IGF2BP3: variants seen among roughly 807,000 people sequenced by gnomAD.
IGF2BP3 encodes insulin-like growth factor 2 mRNA-binding protein 3.
Under a neutral mutation model 73.8 loss-of-function variants are expected in IGF2BP3, and 9 were observed. The observed-to-expected ratio is 0.12, with a 90% CI of 0.07 to 0.21. The LOEUF is 0.21. IGF2BP3 is among the 10% of genes least tolerant of loss of function. IGF2BP3 has a pLI of 1.00. For missense variants in IGF2BP3, 542 were observed against 714.0 expected, an observed-to-expected ratio of 0.76 and a Z score of 2.75; for synonymous variants, 258 against 256.7, an observed-to-expected ratio of 1.01 and a Z score of -0.05.
chr7:23,390,443 C>A (rs1254174997), intron 3 of IGF2BP3, among the ~76,000 whole-genome samples: 1 of 151,766 alleles, frequency 6.6e-6, no homozygotes, highest in Admixed American at 6.6e-5. Context: ...CTTGACTGAC[C>A]AAGACAAGAA....
intron 5 of IGF2BP3, 28 bp from the exon 6 acceptor site, chr7:23,351,614 G>A: frequency 1.2e-6 from 2 of 1,611,852 alleles, no homozygotes; most frequent in Middle Eastern, 3.3e-4. Context: ...GCAGGGGTGG[G>A]AAAAGGAATC....
In IGF2BP3 at chr7:23,418,792, G is replaced by A. The variant is rs1028445948; in HGVS notation, c.269C>T (p.Pro90Leu). The change falls in exon 3 of 15, where the codon CCT becomes CTT. Residue 90 changes from proline (P) to leucine (L), a missense_variant. By Grantham distance (98) the Pro-to-Leu change is moderately conservative. This residue lies in a region of IGF2BP3 where 239 missense variants were observed against 241.9 expected (regional missense o/e 0.99). Coordinates refer to ENST00000258729, the MANE Select transcript of IGF2BP3 (RefSeq NM_006547.3). ...AATTCTTACCTCCCACTGTAAATGAGGCGGGATATTTCGTATCTGAAGTTT... is the reference window on the plus strand; with the variant it reads ...AATTCTTACCTCCCACTGTAAATGAAGCGGGATATTTCGTATCTGAAGTTT... The part of the protein sequence containing the change: ...IRKLQIRNIP[P>L]HLQWEVLDSL... 1 of 1,583,278 alleles carries A rather than the reference G, an allele frequency of 6.3e-7. No individual in the cohort carries two copies. Among genetic ancestry groups the A allele is most frequent in the Non-Finnish European group, 8.6e-7 (1 of 1,159,402 alleles).
Position 23,319,207 on chromosome 7 carries a change from G to T in IGF2BP3, c.1251C>A (p.Val417=), listed in dbSNP as rs370876150. The change falls in exon 11 of 15, where the codon GTC becomes GTA. Residue 417 remains valine, a synonymous_variant. Coordinates refer to ENST00000258729, the MANE Select transcript of IGF2BP3 (RefSeq NM_006547.3). ...GGCCCTGCTTGCCGATGATGGCACC[G>T]ACTGATAGAGCTGGGATAAACAGAT... is the stretch of plus-strand genomic sequence containing the variant. ...TVHLFIPALS[V]GAIIGKQGQH... The T allele has an allele frequency of 3.1e-6, 5 of 1,613,612 alleles. No homozygotes were observed. In the East Asian group the frequency reaches 6.7e-5, roughly 22 times the overall value.
chr7:23,407,014 A>G (rs1425569069), intron 3 of IGF2BP3, among the ~76,000 whole-genome samples: 1 of 152,124 alleles, frequency 6.6e-6, no homozygotes, highest in African/African-American at 2.4e-5. Context: ...AGAAATCAAT[A>G]AAACAGATAA....
At chr7:23,349,617 C>T (rs1784910676) in intron 6 of IGF2BP3, among the ~76,000 whole-genome samples, 1 of 152,076 alleles carries the variant, frequency 6.6e-6, no homozygotes, top group Non-Finnish European at 1.5e-5. Context: ...TTAGAATGGC[C>T]CTCTGAGACC....
At chr7:23,392,845 G>A (rs550238832) in intron 3 of IGF2BP3, among the ~76,000 whole-genome samples, 3 of 152,200 alleles carry the variant, frequency 2.0e-5, no homozygotes, top group African/African-American at 7.2e-5. Context: ...TGCCCAGGCT[G>A]ATCTTGAACT....
intron 2 of IGF2BP3, among the ~76,000 whole-genome samples, chr7:23,447,453 G>A (rs539183112): frequency 2.3e-4 from 35 of 151,412 alleles, no homozygotes; most frequent in Non-Finnish European, 3.4e-4. Flanking sequence ...GTAAAATCCC[G>A]TCTCTACTAA....
chr7:23,443,600 G>A (rs1584050665), intron 2 of IGF2BP3, among the ~76,000 whole-genome samples: 1 of 152,058 alleles, frequency 6.6e-6, no homozygotes, highest in East Asian at 1.9e-4. Context: ...GAACCTGGAA[G>A]GCAGAGGTTG....
chr7:23,463,663 G>A lies in IGF2BP3; in HGVS notation c.236+4819C>T, dbSNP rs562212864. On this transcript the variant is annotated intron_variant, in intron 2 of 14. Transcript: ENST00000258729. ...GCCAGAAACAGAAGCCAAGATTCTCGATTTCCACTGGCTCCTGGCACATGT... is the reference window on the plus strand; with the variant it reads ...GCCAGAAACAGAAGCCAAGATTCTCAATTTCCACTGGCTCCTGGCACATGT... 1.7e-4 allele frequency among the ~76,000 whole-genome samples: 26 copies of A among 152,260 alleles called. No individual in the cohort carries two copies. The South Asian group carries it at 4.4e-3, about 25-fold the overall frequency.
At chr7:23,312,643 C>T in intron 14 of IGF2BP3, 92 bp downstream of exon 14, 1 of 1,011,058 alleles carries the variant, frequency 9.9e-7, no homozygotes, top group Non-Finnish European at 1.5e-6. Context: ...AAGCATCAAA[C>T]AACCTTAACT....
chr7:23,461,828 G>T (rs1046178945), intron 2 of IGF2BP3, among the ~76,000 whole-genome samples: 13 of 152,264 alleles, frequency 8.5e-5, no homozygotes, highest in African/African-American at 3.1e-4. Context: ...GTACATGCAT[G>T]CCACTCTACC....
In IGF2BP3 at chr7:23,312,137, T is replaced by C; in HGVS notation, c.*225A>G. On this transcript the variant is annotated 3_prime_UTR_variant, in exon 15 of 15. Transcript: ENST00000258729. ...CCTCCCTCCCCCACCCTTTTTTTGT[T>C]TGTTTGTTTGTTTGTTTTAAAGCTG... is the stretch of plus-strand genomic sequence containing the variant. The C allele has an allele frequency of 2.3e-6, 1 of 439,800 alleles. No individual in the cohort carries two copies. Among genetic ancestry groups the C allele is most frequent in the Non-Finnish European group, 4.1e-6 (1 of 245,908 alleles). The allele number at this position is 439,800 out of a possible 1,614,324, so 27.2% of individuals were successfully genotyped here.
chr7:23,398,679 T>C (rs1786560014), intron 3 of IGF2BP3, among the ~76,000 whole-genome samples: 1 of 152,256 alleles, frequency 6.6e-6, no homozygotes, highest in Non-Finnish European at 1.5e-5. Flanking sequence ...ATGAGCATTT[T>C]TTCATGTGCT....
intron 3 of IGF2BP3, chr7:23,415,680 C>G (rs1787170172): frequency 6.0e-6 from 1 of 166,264 alleles, no homozygotes; most frequent in South Asian, 1.4e-4. Flanking sequence ...CCAGCCATAG[C>G]CAAGGAGCTC....
chr7:23,462,267 C>T (rs1398383680), intron 2 of IGF2BP3, among the ~76,000 whole-genome samples: 1 of 152,204 alleles, frequency 6.6e-6, no homozygotes, highest in African/African-American at 2.4e-5. Context: ...ATAGAATCAG[C>T]TCCCTCAACA....
intron 3 of IGF2BP3, among the ~76,000 whole-genome samples, chr7:23,390,565 C>T (rs1786239895): frequency 6.6e-6 from 1 of 152,094 alleles, no homozygotes; most frequent in South Asian, 2.1e-4. Flanking sequence ...CAGGGCAACC[C>T]CACTCCAGGA....
At chr7:23,406,396 A>C (rs570659785) in intron 3 of IGF2BP3, among the ~76,000 whole-genome samples, 3 of 152,304 alleles carry the variant, frequency 2.0e-5, no homozygotes, top group African/African-American at 7.2e-5. Context: ...GGTCTCGCTG[A>C]CTTCAAGAAT....
intron 2 of IGF2BP3, among the ~76,000 whole-genome samples, chr7:23,419,555 T>C (rs960818993): frequency 4.6e-5 from 7 of 152,190 alleles, no homozygotes; most frequent in African/African-American, 1.7e-4. Flanking sequence ...TTTTATGCAT[T>C]TTAAAACATC....
At chr7:23,467,886 GACAA>G (rs962880218) in intron 2 of IGF2BP3, 1 of 153,524 alleles carries the variant, frequency 6.5e-6, no homozygotes, top group Non-Finnish European at 1.5e-5. Flanking sequence ...AAAGCGGGGA[GACAA>G]AGGTGCTGAC....
Sources: gnomAD v4.1 joint callset for allele counts (sites outside exome capture counted in the v4.1 genomes callset) on GRCh38, gnomAD v4.1.1 for gene constraint, gnomAD v4.1.1 regional missense constraint, MANE v1.5 for transcripts, NCBI Gene and HGNC (gene_info 2026-07-23, HGNC 2026-07-21) for gene names.